The following SPTBN5 variants were observed in gnomAD, a reference collection of about 807,000 sequenced individuals.
SPTBN5 encodes spectrin beta, non-erythrocytic 5.
In SPTBN5, 513 loss-of-function variants were observed where a neutral mutation model predicts 477.6. The observed-to-expected ratio is 1.07, with a 90% CI of 1.00 to 1.16. The LOEUF (loss-of-function observed/expected upper bound fraction) is 1.16. Among genes scored for constraint, SPTBN5 ranks in the 50% most tolerant of loss-of-function variants. The probability of loss-of-function intolerance (pLI) is 0.00; values close to 1 mark genes in which losing one functional copy is unlikely to be tolerated. For missense variants in SPTBN5, 5,062 were observed against 4,731.8 expected (o/e 1.07, Z -2.05); for synonymous variants, 2,169 against 2,011.7 (o/e 1.08, Z -2.09).
Position 41,873,534 on chromosome 15 carries a change from G to A in SPTBN5, c.4965C>T (p.Gly1655=), listed in dbSNP as rs1210118380. The A allele has an allele frequency of 1.3e-6, 2 of 1,551,920 alleles. No homozygotes were observed. The highest frequency in any genetic ancestry group is 1.7e-6 in the Non-Finnish European group (2 of 1,147,190). ...KRPLVSSRDY[G]RDEAATLRLI... ...GCCTGAGGGTGGCTGCCTCGTCTCT[G>A]CCATAGTCCCGACTGCTCACCAGCG... is the stretch of plus-strand genomic sequence containing the variant. The change falls in exon 26 of 68, where the codon GGC becomes GGT. Residue 1655 remains glycine (G), a synonymous_variant. Coordinates refer to ENST00000320955, the MANE Select transcript of SPTBN5 (RefSeq NM_016642.4).
In SPTBN5 at chr15:41,882,733, G is replaced by T. The variant is rs1466958649; in HGVS notation, c.1898C>A (p.Ala633Asp). 1 of 1,609,188 alleles carries T rather than the reference G, an allele frequency of 6.2e-7. No homozygotes were observed. The highest frequency in any genetic ancestry group is 8.5e-7 in the Non-Finnish European group (1 of 1,178,070). The stretch of plus-strand genomic sequence containing the variant: ...CCGCTGCAGGGTCTGCTCCAGCAGG[G>T]CCCGCCTGAGGGACAATAGGGGCCA... ...SLVALVRARR[A>D]LLEQTLQRAE... is the part of the protein sequence containing the mutation. Residue 633 changes from alanine (A) to aspartate (D), a missense_variant, in exon 10 of 68, where the codon GCC becomes GAC. Physicochemically the swap from Ala to Asp is moderately radical, Grantham distance 126 (BLOSUM62 -2). Coordinates refer to ENST00000320955, the MANE Select transcript of SPTBN5 (RefSeq NM_016642.4).
chr15:41,878,270 C>T, intron 17 of SPTBN5, 72 bp downstream of exon 17: 1 of 1,541,684 alleles, frequency 6.5e-7, no homozygotes, highest in Non-Finnish European at 8.8e-7. Flanking sequence ...CATGCTCTTT[C>T]TGGGCCTGAA....
At chr15:41,852,419 G>T (rs2065796352) in intron 61 of SPTBN5, 103 bp from the exon 62 acceptor site, 8 of 1,445,116 alleles carry the variant, frequency 5.5e-6, no homozygotes, top group Non-Finnish European at 7.4e-6. Flanking sequence ...CGGTCAGAGG[G>T]GGCCTGCCTC....
At chr15:41,871,274 T>A (rs2066524252) in intron 29 of SPTBN5, 101 bp downstream of exon 29, 1 of 1,261,434 alleles carries the variant, frequency 7.9e-7, no homozygotes, top group African/African-American at 1.6e-5. Context: ...CCAGGGCCAG[T>A]GTGGCCCTCA....
At position 41,882,339 on chromosome 15, in the gene SPTBN5, C is replaced by A. The variant is rs2066992187; in HGVS notation, c.2177G>T (p.Gly726Val). ...PGERAEAVQG[G>V]WQLLQTRVVG... ...CACCCGGGTCTGGAGCAGCTGCCACCCTCCCTGAACGGCCTCTGCCCGTTC... is the reference window on the plus strand; with the variant it reads ...CACCCGGGTCTGGAGCAGCTGCCACACTCCCTGAACGGCCTCTGCCCGTTC... The change falls in exon 11 of 68, where the codon GGG becomes GTG. Residue 726 changes from glycine (G) to valine (V), a missense_variant. Physicochemically the swap from Gly to Val is moderately radical, Grantham distance 109. Coordinates refer to ENST00000320955, the MANE Select transcript of SPTBN5 (RefSeq NM_016642.4). 2 of 1,534,654 alleles carry A rather than the reference C, an allele frequency of 1.3e-6. No individual in the cohort carries two copies. The highest frequency in any genetic ancestry group is 1.4e-5 in the African/African-American group (1 of 72,912).
Position 41,848,495 on chromosome 15 carries a change from G to C in SPTBN5, c.*121C>G. 2 of 1,161,422 alleles carry C rather than the reference G, an allele frequency of 1.7e-6. No homozygotes were observed. The highest frequency in any genetic ancestry group is 2.6e-6 in the Non-Finnish European group (2 of 768,820). 71.9% of individuals were successfully genotyped at this position (1,161,422 alleles called of 1,614,324 possible). Reference sequence around the variant, plus strand: ...CTGTCTATTCCAGAAGCTGGGCCTGGGGAACTGGGTTGAAGCAGCCACGGG... The same window carrying C: ...CTGTCTATTCCAGAAGCTGGGCCTGCGGAACTGGGTTGAAGCAGCCACGGG... On this transcript the variant is annotated 3_prime_UTR_variant, in exon 68 of 68. Transcript: ENST00000320955.
At chr15:41,858,869 C>T in intron 48 of SPTBN5, 21 bp downstream of exon 48, 1 of 1,562,958 alleles carries the variant, frequency 6.4e-7, no homozygotes. Flanking sequence ...ATGACCGCCT[C>T]CCTCTCCAAG....
chr15:41,882,150 G>A lies in SPTBN5; in HGVS notation c.2248-5C>T. The stretch of plus-strand genomic sequence containing the variant: ...CTCCGCCGCGTCCGCGAAGTACTGT[G>A]GGAGGGGGTCGGGGGTGGTGTGGGT... On this transcript the variant is annotated splice_polypyrimidine_tract_variant and splice_region_variant and intron_variant, in intron 11 of 67. Coordinates refer to ENST00000320955, the MANE Select transcript of SPTBN5 (RefSeq NM_016642.4). The A allele has an allele frequency of 6.4e-7, 1 of 1,569,738 alleles. No individual in the cohort carries two copies. The highest frequency in any genetic ancestry group is 2.3e-5 in the East Asian group (1 of 42,668).
intron 7 of SPTBN5, among the ~76,000 whole-genome samples, chr15:41,884,350 C>G (rs2067081425): frequency 1.3e-5 from 2 of 151,910 alleles, no homozygotes; most frequent in Admixed American, 1.3e-4. Flanking sequence ...GAACTCCTGA[C>G]CTCAGGTGAT....
intron 3 of SPTBN5, 163 bp downstream of exon 3, chr15:41,892,731 G>T: frequency 1.4e-6 from 1 of 739,908 alleles, no homozygotes. Context: ...GTGCGAGGAG[G>T]GCGTGGCTTC....
At chr15:41,851,686 G>A (rs756388456) in intron 63 of SPTBN5, 93 bp downstream of exon 63, 32 of 975,744 alleles carry the variant, frequency 3.3e-5, no homozygotes, top group Non-Finnish European at 5.1e-5. Flanking sequence ...CAAGTTCACA[G>A]TGCAAGGGTG....
In SPTBN5 at chr15:41,869,866, C is replaced by A; in HGVS notation, c.5828G>T (p.Arg1943Leu). The change falls in exon 32 of 68, where the codon CGC becomes CTC. Residue 1943 changes from arginine (R) to leucine (L), a missense_variant. Arg to Leu is a moderately radical substitution (Grantham distance 102, BLOSUM62 -2). Transcript: ENST00000320955. ...CGCCGTGCGGAAGCGGGCCAGGAGG[C>A]GTGCCCGCTCCAGCTGGGCCCTGCG... ...EQRRAQLERARLLARFRTAVR... is the reference protein window; with the variant it reads ...EQRRAQLERALLLARFRTAVR... 1 of 1,558,538 alleles carries A rather than the reference C, an allele frequency of 6.4e-7. No homozygotes were observed. Among genetic ancestry groups the A allele is most frequent in the South Asian group, 1.2e-5 (1 of 85,156 alleles).
At position 41,870,276 on chromosome 15, in the gene SPTBN5, C is replaced by T; in HGVS notation, c.5640G>A (p.Gly1880=). 4 of 1,553,260 alleles carry T rather than the reference C, an allele frequency of 2.6e-6. No homozygotes were observed. The highest frequency in any genetic ancestry group is 3.5e-6 in the Non-Finnish European group (4 of 1,148,652). Residue 1880 remains glycine (G), a synonymous_variant, in exon 31 of 68, where the codon GGG becomes GGA. Coordinates refer to ENST00000320955, the MANE Select transcript of SPTBN5 (RefSeq NM_016642.4). ...GLEAQLRSHQ[G]LERELVGTER... ...CGGTGCCCACGAGTTCTCGCTCCAG[C>T]CCCTGGTGGCTTCTCAGCTGCGCCT...
chr15:41,852,361 A>G, intron 61 of SPTBN5, 45 bp from the exon 62 acceptor site: 1 of 1,509,540 alleles, frequency 6.6e-7, no homozygotes, highest in Non-Finnish European at 8.9e-7. Context: ...GGTCAGGGAG[A>G]CCAGCCACAC....
chr15:41,848,707 T>G (rs938142841), intron 67 of SPTBN5, 79 bp from the exon 68 acceptor site: 1 of 1,531,912 alleles, frequency 6.5e-7, no homozygotes, highest in African/African-American at 1.4e-5. Flanking sequence ...CTGGTGCCCC[T>G]GCCCTCCCCT....
intron 49 of SPTBN5, 82 bp from the exon 50 acceptor site, chr15:41,857,792 C>T (rs2065972625): frequency 3.4e-6 from 5 of 1,478,178 alleles, no homozygotes; most frequent in Non-Finnish European, 4.5e-6. Flanking sequence ...ACCACCAGCA[C>T]TAGAGCTGCA....
intron 38 of SPTBN5, 66 bp from the exon 39 acceptor site, chr15:41,865,969 TG>T (rs1394207752): frequency 6.5e-7 from 1 of 1,545,676 alleles, no homozygotes. Context: ...CACCTGCTGC[TG>T]GGGATCCCTC....
intron 49 of SPTBN5, 135 bp from the exon 50 acceptor site, chr15:41,857,845 TACC>T: frequency 9.7e-7 from 1 of 1,030,818 alleles, no homozygotes; most frequent in Non-Finnish European, 1.4e-6. Flanking sequence ...CAACTTTCTT[TACC>T]TAAGCCTCAT....
Position 41,878,349 on chromosome 15 carries a change from G to C in SPTBN5, c.3463C>G (p.Gln1155Glu). 2 of 1,613,512 alleles carry C rather than the reference G, an allele frequency of 1.2e-6. No homozygotes were observed. The highest frequency in any genetic ancestry group is 1.7e-6 in the Non-Finnish European group (2 of 1,179,798). Residue 1155 changes from glutamine to glutamate, a missense_variant, in exon 17 of 68, where the codon CAG becomes GAG. Transcript: ENST00000320955. ...CTGCCCTCCTGTCCTGACCTCTCCT[G>C]CCACAGGTGGATCTCCTCCAGCAGG... ...QDLLEEIHLW[Q>E]ERLQQLDAQS...
Sources: allele counts gnomAD v4.1 joint callset (sites outside exome capture counted in the v4.1 genomes callset), GRCh38; gene constraint gnomAD v4.1.1; transcripts MANE v1.5; gene names NCBI Gene and HGNC (gene_info 2026-07-23, HGNC 2026-07-21).